The following CYRIA variants were observed in gnomAD, a reference collection of about 807,000 sequenced individuals.
CYRIA encodes CYFIP related Rac1 interactor A, also known as CYFIP-related Rac1 interactor A.
A neutral mutation model predicts 43.9 loss-of-function variants in CYRIA; 15 were observed. The ratio of observed to expected loss-of-function variants is 0.34; its 90% CI spans 0.23 to 0.53. The LOEUF (loss-of-function observed/expected upper bound fraction) is 0.53, where lower values mean the gene tolerates loss of function less well. CYRIA is among the 20% of genes least tolerant of loss of function. The pLI is 0.94. For synonymous variants in CYRIA, 117 were observed against 136.0 expected, an observed-to-expected ratio of 0.86 and a Z score of 0.97; for missense variants, 236 against 394.2, an observed-to-expected ratio of 0.60 and a Z score of 3.40.
intron 3 of CYRIA, among the ~76,000 whole-genome samples, chr2:16,580,154 C>T (rs534667384): frequency 6.6e-6 from 1 of 152,024 alleles, no homozygotes; most frequent in East Asian, 1.9e-4. Context: ...CGCTTTGTTG[C>T]CCAGACTGGC....
rs1027718008 is a variant in CYRIA, at chr2:16,664,728, A to T, written c.-167+1052T>A. On this transcript the variant is annotated intron_variant, in intron 1 of 11. Coordinates refer to ENST00000381323, the MANE Select transcript of CYRIA (RefSeq NM_030797.4). Reference sequence around the variant, plus strand: ...ATGGCCCAGGTCCCATCCAGAGGAGATAGTGACTGGTGACAGAGAGGAAAG... The same window carrying T: ...ATGGCCCAGGTCCCATCCAGAGGAGTTAGTGACTGGTGACAGAGAGGAAAG... 2.6e-5 allele frequency among the ~76,000 whole-genome samples: 4 copies of T among 152,244 alleles called. No individual in the cohort carries two copies. The East Asian group carries it at 7.7e-4, about 29-fold the overall frequency.
intron 2 of CYRIA, among the ~76,000 whole-genome samples, chr2:16,610,370 T>A (rs571726213): frequency 1.3e-5 from 2 of 152,210 alleles, no homozygotes; most frequent in African/African-American, 4.8e-5. Flanking sequence ...TTATTAGATG[T>A]TTTTGGGAAA....
At chr2:16,636,845 A>ATG (rs1669511147) in intron 1 of CYRIA, among the ~76,000 whole-genome samples, 3 of 152,106 alleles carry the variant, frequency 2.0e-5, no homozygotes, top group Non-Finnish European at 4.4e-5. Context: ...GCATGGTGGC[A>ATG]TGCGCCTGTA....
At chr2:16,558,915 A>T (rs1294297526) in intron 10 of CYRIA, among the ~76,000 whole-genome samples, 1 of 152,090 alleles carries the variant, frequency 6.6e-6, no homozygotes, top group Non-Finnish European at 1.5e-5. Flanking sequence ...TGTTTGAAAC[A>T]TGTCTGAAAG....
chr2:16,647,973 C>G (rs958636659), intron 1 of CYRIA, among the ~76,000 whole-genome samples: 1 of 152,196 alleles, frequency 6.6e-6, no homozygotes, highest in Non-Finnish European at 1.5e-5. Context: ...GGATGCTCAT[C>G]TCATCCCCCT....
intron 6 of CYRIA, 74 bp downstream of exon 6, chr2:16,561,931 C>A: frequency 6.9e-7 from 1 of 1,440,322 alleles, no homozygotes; most frequent in Non-Finnish European, 9.5e-7. Context: ...CACCCCACAG[C>A]ACTAACAGAA....
chr2:16,614,048 T>A (rs1180979798), intron 2 of CYRIA, among the ~76,000 whole-genome samples: 1 of 152,152 alleles, frequency 6.6e-6, no homozygotes, highest in East Asian at 1.9e-4. Context: ...TTCACTCAAG[T>A]TAAGGGTAAA....
intron 2 of CYRIA, among the ~76,000 whole-genome samples, chr2:16,615,376 T>C (rs1186619277): frequency 6.6e-6 from 1 of 152,240 alleles, no homozygotes; most frequent in Non-Finnish European, 1.5e-5. Flanking sequence ...ACTGGTTTAG[T>C]ATGCATTTGG....
At chr2:16,634,306 ACC>A (rs768391353) in intron 1 of CYRIA, among the ~76,000 whole-genome samples, 65 of 151,970 alleles carry the variant, frequency 4.3e-4, no homozygotes, top group Non-Finnish European at 8.1e-4. Context: ...CACCAGCCAC[ACC>A]CCTTCTCTTA....
Position 16,561,987 on chromosome 2 carries a change from C to G in CYRIA, c.435+18G>C, listed in dbSNP as rs746426096. ...TCAGTACAAGTTTATTAAATTTTCA[C>G]AGCACATTTGGCCTAACCTTCAGCT... On this transcript the variant is annotated intron_variant, in intron 6 of 11. Coordinates refer to ENST00000381323, the MANE Select transcript of CYRIA (RefSeq NM_030797.4). The G allele has an allele frequency of 6.2e-7, 1 of 1,605,234 alleles. No individual in the cohort carries two copies. Among genetic ancestry groups the G allele is most frequent in the East Asian group, 2.2e-5 (1 of 44,812 alleles).
intron 2 of CYRIA, among the ~76,000 whole-genome samples, chr2:16,609,642 C>G (rs1308316789): frequency 6.6e-6 from 1 of 152,176 alleles, no homozygotes; most frequent in Non-Finnish European, 1.5e-5. Flanking sequence ...CTCTGCTTTT[C>G]TTTTAAGTAT....
At position 16,662,678 on chromosome 2, in the gene CYRIA, C is replaced by T. The variant is rs568846322; in HGVS notation, c.-167+3102G>A. 2.0e-5 allele frequency among the ~76,000 whole-genome samples: 3 copies of T among 152,288 alleles called. No individual in the cohort carries two copies. The South Asian group carries it at 6.2e-4, about 32-fold the overall frequency. Reference sequence around the variant, plus strand: ...TCCCTGCCATGCTTCTCTCCCCTACCCTGCTCACAAGGGCTGATGTGTGGC... The same window carrying T: ...TCCCTGCCATGCTTCTCTCCCCTACTCTGCTCACAAGGGCTGATGTGTGGC... On this transcript the variant is annotated intron_variant, in intron 1 of 11. Coordinates refer to ENST00000381323, the MANE Select transcript of CYRIA (RefSeq NM_030797.4).
chr2:16,654,316 G>T (rs1288545209), intron 1 of CYRIA, among the ~76,000 whole-genome samples: 2 of 152,154 alleles, frequency 1.3e-5, no homozygotes, highest in Non-Finnish European at 2.9e-5. Flanking sequence ...CTGGCACTTT[G>T]GGAATACATG....
intron 2 of CYRIA, among the ~76,000 whole-genome samples, chr2:16,616,200 A>C (rs114788887): frequency 1.6e-4 from 25 of 151,998 alleles, no homozygotes; most frequent in African/African-American, 5.8e-4. Flanking sequence ...AACATTCTAC[A>C]TCTCCCTCCT....
intron 3 of CYRIA, among the ~76,000 whole-genome samples, chr2:16,586,366 C>A (rs936834289): frequency 2.6e-5 from 4 of 152,002 alleles, no homozygotes; most frequent in African/African-American, 4.8e-5. Context: ...ATAAACCATT[C>A]TTTGAACAAC....
At chr2:16,651,012 A>C (rs1669960415) in intron 1 of CYRIA, among the ~76,000 whole-genome samples, 1 of 152,234 alleles carries the variant, frequency 6.6e-6, no homozygotes, top group East Asian at 1.9e-4. Context: ...ATTTAGACGC[A>C]TTTCAGGCTC....
intron 2 of CYRIA, among the ~76,000 whole-genome samples, chr2:16,617,612 G>A (rs1668849021): frequency 6.6e-6 from 1 of 152,254 alleles, no homozygotes. Context: ...GGTACACACT[G>A]AGCCCCTTTC....
At chr2:16,616,726 A>C (rs1441969512) in intron 2 of CYRIA, among the ~76,000 whole-genome samples, 1 of 152,258 alleles carries the variant, frequency 6.6e-6, no homozygotes, top group Admixed American at 6.5e-5. Context: ...CCGAGGCTTT[A>C]AGTCAAAATA....
chr2:16,560,691 C>A (rs1666693004), intron 9 of CYRIA: 1 of 416,648 alleles, frequency 2.4e-6, no homozygotes. Flanking sequence ...ATTTAACACA[C>A]CCTCCATTTG....
Sources: allele counts gnomAD v4.1 joint callset (sites outside exome capture counted in the v4.1 genomes callset), GRCh38; gene constraint gnomAD v4.1.1; transcripts MANE v1.5; gene names NCBI Gene and HGNC (gene_info 2026-07-23, HGNC 2026-07-21).